The following DIAPH3 variants were observed in gnomAD, a reference collection of about 807,000 sequenced individuals.
DIAPH3 encodes the protein protein diaphanous homolog 3.
In DIAPH3, 117 loss-of-function variants were observed where a neutral mutation model predicts 144.3. That is an observed-to-expected ratio of 0.81 (90% CI 0.70 to 0.95). The LOEUF (loss-of-function observed/expected upper bound fraction) is 0.95, where lower values mean the gene tolerates loss of function less well. Ranked by LOEUF, DIAPH3 falls within the 40% of genes least tolerant of loss-of-function variation. The pLI is 0.00. For missense variants in DIAPH3, 1,421 were observed against 1,412.7 expected (o/e 1.01, Z -0.09); for synonymous variants, 519 against 488.9 (o/e 1.06, Z -0.81).
At chr13:60,033,340 T>TA (rs779877032) in intron 5 of DIAPH3, among the ~76,000 whole-genome samples, 12 of 152,228 alleles carry the variant, frequency 7.9e-5, no homozygotes, top group African/African-American at 1.2e-4. Flanking sequence ...CTCTTTTTTT[T>TA]ACCAATTTTC....
intron 24 of DIAPH3, among the ~76,000 whole-genome samples, chr13:59,815,373 T>A (rs1307879731): frequency 1.3e-5 from 2 of 152,212 alleles, no homozygotes; most frequent in African/African-American, 2.4e-5. Context: ...ATAGACTTGT[T>A]AAGTTTCATT....
chr13:59,720,374 A>C (rs990330715), intron 27 of DIAPH3, among the ~76,000 whole-genome samples: 3 of 152,134 alleles, frequency 2.0e-5, no homozygotes, highest in Non-Finnish European at 4.4e-5. Flanking sequence ...AATTCTAAAA[A>C]CTGTAAAAAC....
intron 17 of DIAPH3, among the ~76,000 whole-genome samples, chr13:59,944,834 T>G (rs981104285): frequency 5.3e-5 from 8 of 151,836 alleles, no homozygotes. Context: ...TTTTAGAACC[T>G]TTTAGAAAGG....
chr13:60,149,337 G>T (rs183002655), intron 1 of DIAPH3, among the ~76,000 whole-genome samples: 2 of 152,306 alleles, frequency 1.3e-5, no homozygotes, highest in Admixed American at 1.3e-4. Context: ...TCTGAAAAAG[G>T]TATCAAGGGG....
intron 18 of DIAPH3, among the ~76,000 whole-genome samples, chr13:59,922,217 T>C (rs2780633): frequency 0.45 from 68,350 of 151,592 alleles, 15,915 homozygotes; most frequent in East Asian, 0.89. Flanking sequence ...GGCAATTAGG[T>C]AAGAGAAAAA....
intron 19 of DIAPH3, among the ~76,000 whole-genome samples, chr13:59,914,363 T>A (rs752293091): frequency 6.6e-6 from 1 of 152,200 alleles, no homozygotes; most frequent in African/African-American, 2.4e-5. Context: ...AAACCTTATA[T>A]ATGTTCAAAA....
At chr13:59,904,471 A>T (rs340208) in intron 20 of DIAPH3, among the ~76,000 whole-genome samples, 93,290 of 152,000 alleles carry the variant, frequency 0.61, 30,234 homozygotes, top group East Asian at 0.85. Context: ...ATTTTGGGTA[A>T]CCGTGTGAAA....
intron 17 of DIAPH3, among the ~76,000 whole-genome samples, chr13:59,929,722 C>A (rs2047932266): frequency 6.6e-6 from 1 of 151,400 alleles, no homozygotes; most frequent in South Asian, 2.1e-4. Flanking sequence ...TGCCATTATG[C>A]CCAGCTAATT....
chr13:59,925,101 G>A (rs1347293157), intron 17 of DIAPH3, among the ~76,000 whole-genome samples: 1 of 151,766 alleles, frequency 6.6e-6, no homozygotes, highest in Admixed American at 6.6e-5. Context: ...AGGTCTAACA[G>A]GAAAAACAAA....
At chr13:60,125,512 C>T (rs1023737272) in intron 2 of DIAPH3, among the ~76,000 whole-genome samples, 4 of 149,798 alleles carry the variant, frequency 2.7e-5, no homozygotes, top group South Asian at 4.2e-4. Flanking sequence ...AACAAAGTGC[C>T]GTGATTACAG....
intron 12 of DIAPH3, among the ~76,000 whole-genome samples, chr13:59,989,379 A>G (rs956781602): frequency 1.1e-4 from 17 of 150,450 alleles, no homozygotes; most frequent in African/African-American, 4.2e-4. Flanking sequence ...AATATTTTTA[A>G]GAATTTTTTT....
At chr13:59,679,694 T>G (rs1173195975) in intron 27 of DIAPH3, among the ~76,000 whole-genome samples, 1 of 152,204 alleles carries the variant, frequency 6.6e-6, no homozygotes, top group Non-Finnish European at 1.5e-5. Context: ...CACAGAAGCC[T>G]TAAAGTATGT....
chr13:59,958,845 T>C (rs1352066068), intron 17 of DIAPH3, among the ~76,000 whole-genome samples: 1 of 150,226 alleles, frequency 6.7e-6, no homozygotes, highest in Admixed American at 6.6e-5. Context: ...TGTGACTTGA[T>C]ATAGATCTAA....
intron 18 of DIAPH3, among the ~76,000 whole-genome samples, chr13:59,916,899 T>C (rs1218272610): frequency 6.6e-6 from 1 of 152,138 alleles, no homozygotes; most frequent in African/African-American, 2.4e-5. Context: ...CTGAGAATTC[T>C]AAACATCTTT....
At chr13:60,104,589 C>CACACACAT (rs1333925754) in intron 3 of DIAPH3, among the ~76,000 whole-genome samples, 1 of 148,912 alleles carries the variant, frequency 6.7e-6, no homozygotes, top group East Asian at 2.0e-4. Context: ...CACACACACA[C>CACACACAT]ACACACGATG....
chr13:60,034,252 G>A (rs531355875), intron 5 of DIAPH3, among the ~76,000 whole-genome samples: 3 of 152,100 alleles, frequency 2.0e-5, no homozygotes, highest in Non-Finnish European at 2.9e-5. Flanking sequence ...AAACACATAA[G>A]GTTTACATTC....
chr13:59,888,323 T>C (rs1357376895), intron 20 of DIAPH3, among the ~76,000 whole-genome samples: 1 of 151,994 alleles, frequency 6.6e-6, no homozygotes, highest in Non-Finnish European at 1.5e-5. Context: ...TCACCAGAAA[T>C]GGAGTCGGCC....
At chr13:60,052,290 T>C (rs142547176) in intron 4 of DIAPH3, among the ~76,000 whole-genome samples, 183 of 152,232 alleles carry the variant, frequency 1.2e-3, no homozygotes, top group African/African-American at 4.1e-3. Context: ...ATAGGAAAGA[T>C]AGACAGTGCA....
chr13:60,078,721 T>A (rs749417832), intron 4 of DIAPH3, among the ~76,000 whole-genome samples: 1 of 151,908 alleles, frequency 6.6e-6, no homozygotes, highest in Admixed American at 6.6e-5. Flanking sequence ...TTTCAATTCA[T>A]ATATATTTGA....
Sources: allele counts gnomAD v4.1 joint callset (sites outside exome capture counted in the v4.1 genomes callset), GRCh38; gene constraint gnomAD v4.1.1; transcripts MANE v1.5; gene names NCBI Gene and HGNC (gene_info 2026-07-23, HGNC 2026-07-21).